PDE3A: variants seen among roughly 807,000 people sequenced by gnomAD.
The protein encoded by PDE3A is phosphodiesterase 3A.
Under a neutral mutation model 98.3 loss-of-function variants are expected in PDE3A, and 43 were observed. The observed-to-expected ratio is 0.44, with a 90% confidence interval of 0.34 to 0.56. The LOEUF (loss-of-function observed/expected upper bound fraction) is 0.56. Among genes scored for constraint, PDE3A ranks in the 20% least tolerant of loss-of-function variants. PDE3A has a pLI of 0.01. For missense variants in PDE3A, 1,427 were observed against 1,440.7 expected, an observed-to-expected ratio of 0.99 and a Z score of 0.15; for synonymous variants, 663 against 567.9, an observed-to-expected ratio of 1.17 and a Z score of -2.38.
intron 5 of PDE3A, among the ~76,000 whole-genome samples, chr12:20,629,329 T>C (rs1944329581): frequency 6.6e-6 from 1 of 152,198 alleles, no homozygotes; most frequent in Admixed American, 6.5e-5. Context: ...AATGTTTTCT[T>C]CAAAAATTAT....
At chr12:20,615,012 CTTTCT>C (rs1298145397) in intron 3 of PDE3A, among the ~76,000 whole-genome samples, 255 of 112,342 alleles carry the variant, frequency 2.3e-3, no homozygotes, top group Non-Finnish European at 3.5e-3. Flanking sequence ...TTCTTTCTCT[CTTTCT>C]TTTTTTTTTT....
intron 1 of PDE3A, among the ~76,000 whole-genome samples, chr12:20,408,469 C>T (rs947920632): frequency 6.6e-6 from 1 of 151,984 alleles, no homozygotes; most frequent in African/African-American, 2.4e-5. Flanking sequence ...GATAGAAAAC[C>T]CTTCATTATT....
chr12:20,410,203 C>CT (rs1944308083), intron 1 of PDE3A, among the ~76,000 whole-genome samples: 1 of 152,108 alleles, frequency 6.6e-6, no homozygotes, highest in African/African-American at 2.4e-5. Flanking sequence ...TTGGGCTATC[C>CT]TTTTTTGTAG....
At chr12:20,491,196 C>T (rs1945819768) in intron 1 of PDE3A, among the ~76,000 whole-genome samples, 1 of 152,188 alleles carries the variant, frequency 6.6e-6, no homozygotes, top group African/African-American at 2.4e-5. Context: ...TTCAGTGCCA[C>T]AAAACCAATA....
At chr12:20,484,411 C>A (rs1291402417) in intron 1 of PDE3A, among the ~76,000 whole-genome samples, 1 of 152,054 alleles carries the variant, frequency 6.6e-6, no homozygotes, top group East Asian at 1.9e-4. Flanking sequence ...AATCAGTGTT[C>A]CCCCAAATCA....
chr12:20,517,551 C>T (rs896932980), intron 1 of PDE3A, among the ~76,000 whole-genome samples: 2 of 152,112 alleles, frequency 1.3e-5, no homozygotes, highest in African/African-American at 2.4e-5. Flanking sequence ...TCCTACAGCT[C>T]CCTCCTATGA....
chr12:20,521,653 T>A (rs932517947), intron 1 of PDE3A, among the ~76,000 whole-genome samples: 1 of 152,244 alleles, frequency 6.6e-6, no homozygotes, highest in African/African-American at 2.4e-5. Flanking sequence ...AATAGGTTTA[T>A]TTCAAGATTA....
rs1014107052 is a variant in PDE3A, at chr12:20,552,743, C to T, written c.961-3917C>T. ...GTCCTGGCGTCACTCAAGGACCGGC[C>T]GGCGAGCGGCAGCCCGTTCCAGTTG... On this transcript the variant is annotated intron_variant, in intron 1 of 15. Transcript: ENST00000359062. This position sits in a 1 kb window ranked among gnomAD's most constrained non-coding sequence, Gnocchi z 5.1. The T allele has an allele frequency of 3.3e-5, 54 of 1,613,946 alleles. No individual in the cohort carries two copies. Among genetic ancestry groups the T allele is most frequent in the South Asian group, 1.3e-4 (12 of 91,090 alleles).
chr12:20,525,595 A>G (rs1392534295), intron 1 of PDE3A, among the ~76,000 whole-genome samples: 3 of 152,096 alleles, frequency 2.0e-5, no homozygotes, highest in Non-Finnish European at 4.4e-5. Flanking sequence ...GTCAGTCACT[A>G]TTTCAGAATA....
intron 15 of PDE3A, among the ~76,000 whole-genome samples, chr12:20,663,338 G>A (rs1945227352): frequency 6.6e-6 from 1 of 152,224 alleles, no homozygotes; most frequent in Non-Finnish European, 1.5e-5. Context: ...GGAGCTGTAA[G>A]AAGAGGGCCA....
At chr12:20,558,473 T>C (rs1312502844) in intron 2 of PDE3A, among the ~76,000 whole-genome samples, 1 of 151,930 alleles carries the variant, frequency 6.6e-6, no homozygotes, top group Non-Finnish European at 1.5e-5. Context: ...AAATAGCTAT[T>C]CTAAATATAG....
intron 15 of PDE3A, among the ~76,000 whole-genome samples, chr12:20,657,643 G>A (rs1945073837): frequency 6.6e-6 from 1 of 152,088 alleles, no homozygotes; most frequent in African/African-American, 2.4e-5. Context: ...CCTTTCAAAA[G>A]GTTCCAGTAC....
intron 1 of PDE3A, among the ~76,000 whole-genome samples, chr12:20,422,698 C>T (rs1320382507): frequency 6.6e-6 from 1 of 152,164 alleles, no homozygotes; most frequent in Non-Finnish European, 1.5e-5. Context: ...TGTATCATGT[C>T]CCCATTCTTC....
rs1468103541 is a variant in PDE3A at position 20,673,254 on chromosome 12, A to G, written c.3185-6776A>G. Among the ~76,000 whole-genome samples, 6 of 151,862 alleles carry G rather than the reference A, an allele frequency of 4.0e-5. No homozygotes were observed. In the East Asian group the frequency reaches 1.2e-3, roughly 30 times the overall value. On this transcript the variant is annotated intron_variant, in intron 15 of 15. Transcript: ENST00000359062. ...GGAACACTTTTACACTGTTGGTGGG[A>G]CTGTAAACTAGTTCAACCATTGTGG...
At chr12:20,509,612 G>T (rs907914318) in intron 1 of PDE3A, among the ~76,000 whole-genome samples, 4 of 151,972 alleles carry the variant, frequency 2.6e-5, no homozygotes, top group Non-Finnish European at 1.5e-5. Context: ...AATCCCAGCA[G>T]GTATCTCTGC....
chr12:20,379,459 C>G (rs73232465), intron 1 of PDE3A, among the ~76,000 whole-genome samples: 1 of 151,626 alleles, frequency 6.6e-6, no homozygotes, highest in East Asian at 1.9e-4. Context: ...AATTTGCTTT[C>G]TAGTCTCAGG....
intron 1 of PDE3A, among the ~76,000 whole-genome samples, chr12:20,378,799 A>G (rs1019378644): frequency 2.0e-5 from 3 of 151,676 alleles, no homozygotes; most frequent in African/African-American, 7.3e-5. Flanking sequence ...TTAAATTAAT[A>G]TAGAGGTTGT....
Position 20,578,803 on chromosome 12 carries a change from A to C in PDE3A, c.1011+22093A>C, listed in dbSNP as rs147233382. 1.9e-3 allele frequency among the ~76,000 whole-genome samples: 295 copies of C among 152,260 alleles called. 2 individuals carry two copies. The East Asian group carries it at 0.023, about 12-fold the overall frequency. On this transcript the variant is annotated intron_variant, in intron 2 of 15. Coordinates refer to ENST00000359062, the MANE Select transcript of PDE3A (RefSeq NM_000921.5). ...TTCTATGATCACCTATAAAGTGAGC[A>C]TTGGAAAGGATGCCGTCCTGGGGGC... is the stretch of plus-strand genomic sequence containing the variant.
rs4129176 is a variant in PDE3A at position 20,534,260 on chromosome 12, G to T, written c.961-22400G>T. On this transcript the variant is annotated intron_variant, in intron 1 of 15. Coordinates refer to ENST00000359062, the MANE Select transcript of PDE3A (RefSeq NM_000921.5). ...GCTTTTCGTCTCTCTTACATAACCT[G>T]TGCCTGGCAGGTTGTAGGTACCCAG... Among the ~76,000 whole-genome samples, 644 of 152,284 alleles carry T rather than the reference G, an allele frequency of 4.2e-3. 2 individuals carry two copies. Among genetic ancestry groups the T allele is most frequent in the African/African-American group, 0.015 (614 of 41,548 alleles).
Sources: allele counts gnomAD v4.1 joint callset (sites outside exome capture counted in the v4.1 genomes callset), GRCh38; gene constraint gnomAD v4.1.1; non-coding constraint Gnocchi (gnomAD v3.1); transcripts MANE v1.5; gene names NCBI Gene and HGNC (gene_info 2026-07-23, HGNC 2026-07-21).